PUDP: variants seen among roughly 807,000 people sequenced by gnomAD.
PUDP encodes the protein pseudouridine 5'-phosphatase, also known as pseudouridine-5'-phosphatase.
A neutral mutation model predicts 9.4 loss-of-function variants in PUDP; 8 were observed. The observed-to-expected ratio is 0.85, with a 90% CI of 0.50 to 1.53. PUDP has a LOEUF of 1.53. Ranked by LOEUF, PUDP falls within the 40% of genes most tolerant of loss-of-function variation. PUDP has a pLI of 0.00. For missense variants in PUDP, 188 were observed against 189.7 expected (o/e 0.99, Z 0.05); for synonymous variants, 99 against 80.7 (o/e 1.23, Z -1.22).
intron 1 of PUDP, among the ~76,000 whole-genome samples, chrX:6,709,577 C>T (rs1465743148): frequency 8.9e-6 from 1 of 111,999 alleles, no homozygotes; most frequent in Non-Finnish European, 1.9e-5. Flanking sequence ...TCTCTGAATT[C>T]AAAGTGACAT....
rs1297001462 is a variant in PUDP, at chrX:7,148,018, G to T, written c.61+35C>A. 4.6e-6 allele frequency: 5 copies of T among 1,091,327 alleles called. No individual in the cohort carries two copies. The South Asian group carries it at 1.0e-4, about 22-fold the overall frequency. 89.9% of individuals were successfully genotyped at this position (1,091,327 alleles called of 1,213,427 possible). On this transcript the variant is annotated intron_variant, in intron 1 of 3. Transcript: ENST00000381077. ...ACCGTCCCCACGCCCACACAAGACC[G>T]CCCTTACTGGAGGCGGCGGCTGCAC... is the stretch of plus-strand genomic sequence containing the variant.
intron 3 of PUDP, among the ~76,000 whole-genome samples, chrX:6,875,285 T>G (rs1488785244): frequency 1.8e-5 from 2 of 110,976 alleles, no homozygotes; most frequent in African/African-American, 6.6e-5. Context: ...CCCAGGCTGG[T>G]CTTGAACTCC....
chrX:6,914,839 G>GT (rs1355151392), intron 3 of PUDP, among the ~76,000 whole-genome samples: 1 of 112,408 alleles, frequency 8.9e-6, no homozygotes, highest in Admixed American at 9.4e-5. Flanking sequence ...GTGCTCTCAC[G>GT]TCGATATAAA....
intron 3 of PUDP, among the ~76,000 whole-genome samples, chrX:6,832,983 G>GAC (rs1184547351): frequency 6.7e-5 from 6 of 88,923 alleles, no homozygotes; most frequent in African/African-American, 2.4e-4. Context: ...CTCTCTCTCT[G>GAC]ACATACACAC....
chrX:6,757,294 A>C (rs750413679), intron 3 of PUDP, among the ~76,000 whole-genome samples: 96 of 111,437 alleles, frequency 8.6e-4, no homozygotes, highest in Non-Finnish European at 1.5e-3. Context: ...ATTTTCAGCC[A>C]GGGTCAAGAA....
chrX:6,882,196 G>A (rs1228815366), intron 3 of PUDP, among the ~76,000 whole-genome samples: 1 of 110,866 alleles, frequency 9.0e-6, no homozygotes, highest in Non-Finnish European at 1.9e-5. Context: ...TGTGTATCAC[G>A]TGAGACATTT....
At chrX:6,816,676 A>G (rs1221342436) in intron 3 of PUDP, among the ~76,000 whole-genome samples, 1 of 99,857 alleles carries the variant, frequency 1.0e-5, no homozygotes, top group East Asian at 3.1e-4. Flanking sequence ...TATACACTAT[A>G]TATACCATAT....
rs376553458 is a variant in PUDP, at chrX:7,122,007, G to A, written c.62-16169C>T. 6.3e-5 allele frequency among the ~76,000 whole-genome samples: 7 copies of A among 111,507 alleles called. 1 individual carries two copies. In the East Asian group the frequency reaches 1.1e-3, roughly 18 times the overall value. Reference sequence around the variant, plus strand: ...TCGAGACCAGCCTGGACAATACAGCGAGACCCTGTCTCTACAAAAAACATT... The same window carrying A: ...TCGAGACCAGCCTGGACAATACAGCAAGACCCTGTCTCTACAAAAAACATT... On this transcript the variant is annotated intron_variant, in intron 1 of 3. Transcript: ENST00000381077.
At chrX:7,008,739 T>C (rs1929437259) in intron 1 of PUDP, among the ~76,000 whole-genome samples, 1 of 112,046 alleles carries the variant, frequency 8.9e-6, no homozygotes, top group Non-Finnish European at 1.9e-5. Flanking sequence ...AGAAATACAT[T>C]CTGCCTAAGG....
Position 6,892,196 on chromosome X carries a change from A to G in PUDP, c.*247+84937T>C, listed in dbSNP as rs1027834920. On this transcript the variant is annotated intron_variant and NMD_transcript_variant, in intron 3 of 3. Transcript: ENST00000655425. ...TGTACTTAAAAATGATTTGTTGTTC[A>G]TATAAAAACTCAAATTAAATGTGGT... 6.2e-5 allele frequency among the ~76,000 whole-genome samples: 7 copies of G among 112,344 alleles called. No homozygotes were observed. In the South Asian group the frequency reaches 1.5e-3, roughly 24 times the overall value.
At chrX:6,915,686 CCTAAAAA>C (rs754655461) in intron 3 of PUDP, among the ~76,000 whole-genome samples, 1 of 111,861 alleles carries the variant, frequency 8.9e-6, no homozygotes, top group Admixed American at 9.5e-5. Flanking sequence ...GTTTACCCTA[CCTAAAAA>C]CTAAAAAAGA....
chrX:7,038,388 G>C (rs1929880583), intron 1 of PUDP, among the ~76,000 whole-genome samples: 1 of 112,278 alleles, frequency 8.9e-6, no homozygotes, highest in Non-Finnish European at 1.9e-5. Context: ...ATTCTGATTT[G>C]TTGTATAAAT....
At chrX:7,046,113 T>C (rs745935314), downstream of PUDP, among the ~76,000 whole-genome samples, 1 of 112,387 alleles carries the variant, frequency 8.9e-6, no homozygotes, top group Non-Finnish European at 1.9e-5. Context: ...AAATTCTTTT[T>C]TGTTTGTATT....
chrX:6,846,176 G>A (rs1047990475), intron 3 of PUDP, among the ~76,000 whole-genome samples: 33 of 110,575 alleles, frequency 3.0e-4, no homozygotes, highest in East Asian at 8.5e-4. Flanking sequence ...CGAGGCGGGC[G>A]GGCGGATCAC....
At chrX:6,889,060 T>G (rs1927474532) in intron 3 of PUDP, among the ~76,000 whole-genome samples, 2 of 112,092 alleles carry the variant, frequency 1.8e-5, no homozygotes, top group African/African-American at 6.5e-5. Context: ...AAATTAAACA[T>G]GACGTACTGA....
At chrX:6,902,875 A>G (rs1344647987) in intron 3 of PUDP, among the ~76,000 whole-genome samples, 1 of 111,854 alleles carries the variant, frequency 8.9e-6, no homozygotes, top group Non-Finnish European at 1.9e-5. Context: ...AAAGGCTACA[A>G]TTGCATTCCT....
chrX:6,827,933 A>T (rs1433651379), intron 3 of PUDP, among the ~76,000 whole-genome samples: 1 of 112,221 alleles, frequency 8.9e-6, no homozygotes, highest in Non-Finnish European at 1.9e-5. Flanking sequence ...TGTGAGTAAC[A>T]CATGTATTTT....
At chrX:6,795,027 C>T (rs1184636542) in intron 3 of PUDP, among the ~76,000 whole-genome samples, 3 of 105,634 alleles carry the variant, frequency 2.8e-5, no homozygotes, top group African/African-American at 1.0e-4. Context: ...ATTCTATAAG[C>T]TTTTTCCATC....
chrX:6,705,971 C>T (rs1436511672), intron 2 of PUDP, among the ~76,000 whole-genome samples: 2 of 112,060 alleles, frequency 1.8e-5, no homozygotes, highest in Non-Finnish European at 3.8e-5. Flanking sequence ...TATAATACAG[C>T]CTTAAAAGGG....
Sources: gnomAD v4.1 joint callset for allele counts (sites outside exome capture counted in the v4.1 genomes callset) on GRCh38, gnomAD v4.1.1 for gene constraint, MANE v1.5 for transcripts, NCBI Gene and HGNC (gene_info 2026-07-23, HGNC 2026-07-21) for gene names.